The following QTMAN variants were observed in gnomAD, a reference collection of about 807,000 sequenced individuals.
QTMAN encodes queuosine-tRNA mannosyltransferase.
chr2:144,242,773 C>A, the QTMAN span, among the ~76,000 whole-genome samples: 1 of 151,716 alleles, frequency 6.6e-6, no homozygotes, highest in Admixed American at 6.6e-5. Context: ...ACCAGCCTGG[C>A]CAAGATGGCA....
chr2:144,148,439 C>T, the QTMAN span, among the ~76,000 whole-genome samples: 3 of 151,626 alleles, frequency 2.0e-5, no homozygotes, highest in Non-Finnish European at 3.0e-5. Context: ...AAGGCATTGT[C>T]GTACTGCAAA....
the QTMAN span, among the ~76,000 whole-genome samples, chr2:144,265,844 C>T: frequency 6.6e-6 from 1 of 152,288 alleles, no homozygotes; most frequent in Admixed American, 6.5e-5. Context: ...AATCACATCC[C>T]TAGCAACCTA....
the QTMAN span, among the ~76,000 whole-genome samples, chr2:144,302,229 TTA>T: frequency 2.7e-5 from 4 of 150,296 alleles, no homozygotes; most frequent in Non-Finnish European, 3.0e-5. Context: ...TTTTCCTCAA[TTA>T]TATATATATA....
At chr2:144,064,153 C>A in the QTMAN span, among the ~76,000 whole-genome samples, 1 of 151,968 alleles carries the variant, frequency 6.6e-6, no homozygotes, top group African/African-American at 2.4e-5. Context: ...AAACCAAATT[C>A]CAAAGCCACA....
chr2:144,101,613 C>T, the QTMAN span, among the ~76,000 whole-genome samples: 1 of 152,088 alleles, frequency 6.6e-6, no homozygotes, highest in African/African-American at 2.4e-5. Flanking sequence ...GCTATTCTGC[C>T]TCCCCACAGA....
chr2:144,301,579 A>C, the QTMAN span, among the ~76,000 whole-genome samples: 8 of 152,208 alleles, frequency 5.3e-5, no homozygotes, highest in Admixed American at 5.2e-4. Context: ...TTTATTTCCT[A>C]AATAGCATTT....
chr2:144,055,006 TA>T, the QTMAN span, among the ~76,000 whole-genome samples: 1 of 152,170 alleles, frequency 6.6e-6, no homozygotes, highest in Non-Finnish European at 1.5e-5. Flanking sequence ...AATTGGCCCC[TA>T]AAAGCTTGAA....
At chr2:144,225,732 G>C in the QTMAN span, among the ~76,000 whole-genome samples, 1 of 152,120 alleles carries the variant, frequency 6.6e-6, no homozygotes, top group African/African-American at 2.4e-5. Context: ...TGAAGACTTA[G>C]TCAATTACTC....
chr2:144,098,901 T>C, the QTMAN span, among the ~76,000 whole-genome samples: 1 of 151,390 alleles, frequency 6.6e-6, no homozygotes, highest in African/African-American at 2.4e-5. Flanking sequence ...TTAGTGATGG[T>C]GCTACAGCTC....
the QTMAN span, among the ~76,000 whole-genome samples, chr2:144,130,682 A>G: frequency 1.3e-5 from 2 of 151,942 alleles, no homozygotes; most frequent in African/African-American, 4.8e-5. Context: ...AATTCTCACA[A>G]CAATGTAACA....
At chr2:144,101,966 T>C in the QTMAN span, among the ~76,000 whole-genome samples, 15 of 152,234 alleles carry the variant, frequency 9.9e-5, no homozygotes, top group Non-Finnish European at 2.1e-4. Context: ...ATCTACCATA[T>C]GTGAAGCACC....
chr2:144,325,720 C>T, the QTMAN span, among the ~76,000 whole-genome samples: 1 of 149,556 alleles, frequency 6.7e-6, no homozygotes, highest in African/African-American at 2.5e-5. Flanking sequence ...ACCACCCCCT[C>T]GCCTCTACAC....
the QTMAN span, among the ~76,000 whole-genome samples, chr2:143,948,880 C>T: frequency 6.6e-6 from 1 of 152,108 alleles, no homozygotes; most frequent in Admixed American, 6.5e-5. Context: ...GAAGAGCTCC[C>T]TGTTTTATCT....
chr2:144,174,183 G>C, the QTMAN span, among the ~76,000 whole-genome samples: 4 of 152,134 alleles, frequency 2.6e-5, no homozygotes, highest in African/African-American at 4.8e-5. Context: ...CAGACATCCA[G>C]AATTCTCTCT....
the QTMAN span, among the ~76,000 whole-genome samples, chr2:144,012,583 T>G: frequency 1.3e-5 from 2 of 152,154 alleles, no homozygotes; most frequent in African/African-American, 2.4e-5. Context: ...GAATAGAATA[T>G]CATGGCTGAA....
chr2:144,126,759 A>T, the QTMAN span, among the ~76,000 whole-genome samples: 1 of 152,036 alleles, frequency 6.6e-6, no homozygotes, highest in Non-Finnish European at 1.5e-5. Flanking sequence ...CTTCATTAAT[A>T]CAGGCCACAC....
chr2:144,214,249 C>A, the QTMAN span, among the ~76,000 whole-genome samples: 1 of 152,034 alleles, frequency 6.6e-6, no homozygotes, highest in East Asian at 1.9e-4. Context: ...ATATATTCTA[C>A]AAAAAAGTTA....
At chr2:144,244,526 T>C in the QTMAN span, among the ~76,000 whole-genome samples, 1 of 152,218 alleles carries the variant, frequency 6.6e-6, no homozygotes, top group Non-Finnish European at 1.5e-5. Context: ...GCTTTGTATT[T>C]TTTGTGAAAG....
At chr2:143,985,585 AG>A in the QTMAN span, among the ~76,000 whole-genome samples, 2 of 152,240 alleles carry the variant, frequency 1.3e-5, no homozygotes, top group Admixed American at 1.3e-4. Flanking sequence ...AGAAACCAGA[AG>A]GGTTTAACTC....
Sources: gnomAD v4.1 joint callset for allele counts (sites outside exome capture counted in the v4.1 genomes callset) on GRCh38, gnomAD v4.1.1 for gene constraint, MANE v1.5 for transcripts, NCBI Gene and HGNC (gene_info 2026-07-23, HGNC 2026-07-21) for gene names.